GRID2: variants seen among roughly 807,000 people sequenced by gnomAD.
GRID2 encodes the protein glutamate ionotropic receptor delta type subunit 2.
Under a neutral mutation model 114.8 loss-of-function variants are expected in GRID2, and 33 were observed. That is an observed-to-expected ratio of 0.29 (90% CI 0.22 to 0.38). The LOEUF (loss-of-function observed/expected upper bound fraction) is 0.38. Among genes scored for constraint, GRID2 ranks in the 10% least tolerant of loss-of-function variants. GRID2 has a pLI of 1.00. For missense variants in GRID2, 1,184 were observed against 1,257.7 expected, an observed-to-expected ratio of 0.94 and a Z score of 0.89; for synonymous variants, 505 against 449.9, an observed-to-expected ratio of 1.12 and a Z score of -1.55.
chr4:93,802,950 C>T (rs1220976156), intron 1 of GRID2, among the ~76,000 whole-genome samples: 1 of 152,146 alleles, frequency 6.6e-6, no homozygotes, highest in African/African-American at 2.4e-5. Context: ...ATCGTAAGCG[C>T]ATTTAGGTGA....
intron 1 of GRID2, among the ~76,000 whole-genome samples, chr4:92,331,220 T>C (rs974918178): frequency 1.3e-5 from 2 of 152,172 alleles, no homozygotes; most frequent in Admixed American, 6.6e-5. Context: ...TAATTTCTAT[T>C]AAAGTTAGCA....
intron 4 of GRID2, among the ~76,000 whole-genome samples, chr4:93,167,166 G>T (rs2149416450): frequency 6.6e-6 from 1 of 152,264 alleles, no homozygotes; most frequent in African/African-American, 2.4e-5. Flanking sequence ...GACACAGCAA[G>T]CAATTGTTGT....
chr4:92,987,528 G>A (rs978620835), intron 2 of GRID2, among the ~76,000 whole-genome samples: 14 of 151,612 alleles, frequency 9.2e-5, no homozygotes, highest in South Asian at 2.1e-4. Context: ...CACCAACATG[G>A]CACATGTATA....
intron 8 of GRID2, among the ~76,000 whole-genome samples, chr4:93,365,400 C>T (rs1199210327): frequency 6.6e-6 from 1 of 152,126 alleles, no homozygotes; most frequent in African/African-American, 2.4e-5. Flanking sequence ...ATCAAATTTA[C>T]CATGCATAGT....
rs1553916864 is a variant in GRID2 at position 92,688,037 on chromosome 4, C to CCTTTTTTTTTTTTTTTTTTTTTT, written c.244+97751_244+97752insCTTTTTTTTTTTTTTTTTTTTTT. 6.9e-3 allele frequency among the ~76,000 whole-genome samples: 307 copies of CCTTTTTTTTTTTTTTTTTTTTTT among 44,670 alleles called. 33 individuals are homozygous for CCTTTTTTTTTTTTTTTTTTTTTT. Among genetic ancestry groups the CCTTTTTTTTTTTTTTTTTTTTTT allele is most frequent in the East Asian group, 7.9e-3 (15 of 1,888 alleles). 29.3% of individuals were successfully genotyped at this position (44,670 alleles called of 152,430 possible). The stretch of plus-strand genomic sequence containing the variant: ...GCCACATTGGTTGACCCTTCTTCTT[C>CCTTTTTTTTTTTTTTTTTTTTTT]TTTTTTTTTTTTTTTTTTTTTTTTT... On this transcript the variant is annotated intron_variant, in intron 2 of 15. Transcript: ENST00000282020.
intron 10 of GRID2, among the ~76,000 whole-genome samples, chr4:93,432,633 T>C (rs1189519893): frequency 6.6e-6 from 1 of 152,056 alleles, no homozygotes; most frequent in Non-Finnish European, 1.5e-5. Context: ...GCATAGGGGA[T>C]TTTCAGGGCA....
At chr4:93,079,489 T>A (rs939671597) in intron 2 of GRID2, among the ~76,000 whole-genome samples, 9 of 151,964 alleles carry the variant, frequency 5.9e-5, no homozygotes, top group Non-Finnish European at 1.0e-4. Flanking sequence ...CATATGGGCC[T>A]TTCTGTTTAA....
chr4:93,758,249 G>A (rs570250967), intron 14 of GRID2, among the ~76,000 whole-genome samples: 57 of 152,296 alleles, frequency 3.7e-4, no homozygotes, highest in African/African-American at 1.3e-3. Context: ...CTATGAAAAT[G>A]TGGGTAAAAC....
intron 1 of GRID2, among the ~76,000 whole-genome samples, chr4:93,788,425 A>C (rs1461023072): frequency 6.6e-6 from 1 of 152,200 alleles, no homozygotes; most frequent in Non-Finnish European, 1.5e-5. Flanking sequence ...ACATACATAC[A>C]AAAAAGATAA....
rs1253460710 is a variant in GRID2, at chr4:92,939,820, G to T, written c.245-145175G>T. ...TTTCCCAGCACCATTAATTAAATAG[G>T]GAATCCTTTCCTCATTTCTTGTTTT... On this transcript the variant is annotated intron_variant, in intron 2 of 15. Transcript: ENST00000282020. 1.4e-5 allele frequency among the ~76,000 whole-genome samples: 2 copies of T among 147,102 alleles called. 1 individual carries two copies. The highest frequency in any genetic ancestry group is 4.9e-5 in the African/African-American group (2 of 41,110).
At chr4:92,903,728 T>G (rs2149483149) in intron 2 of GRID2, among the ~76,000 whole-genome samples, 1 of 152,052 alleles carries the variant, frequency 6.6e-6, no homozygotes, top group East Asian at 1.9e-4. Flanking sequence ...GGCGAGTTGA[T>G]AAGTCTACTA....
Position 92,924,814 on chromosome 4 carries a change from G to A in GRID2, c.245-160181G>A, listed in dbSNP as rs746124418. On this transcript the variant is annotated intron_variant, in intron 2 of 15. Coordinates refer to ENST00000282020, the MANE Select transcript of GRID2 (RefSeq NM_001510.4). The stretch of plus-strand genomic sequence containing the variant: ...AAAATACTTCAAATGATTAATTATT[G>A]CACATTTTTGCCTGATTTATCACAG... 5.9e-5 allele frequency among the ~76,000 whole-genome samples: 9 copies of A among 151,926 alleles called. No homozygotes were observed. In the South Asian group the frequency reaches 8.3e-4, roughly 14 times the overall value.
intron 1 of GRID2, among the ~76,000 whole-genome samples, chr4:92,440,399 C>A (rs1732982606): frequency 6.6e-6 from 1 of 150,698 alleles, no homozygotes. Flanking sequence ...GTAGGAAAGG[C>A]CTCTACCTAT....
chr4:93,324,426 G>C (rs1757600709), intron 8 of GRID2, among the ~76,000 whole-genome samples: 2 of 152,116 alleles, frequency 1.3e-5, no homozygotes, highest in Admixed American at 1.3e-4. Flanking sequence ...TATGCTGCTG[G>C]ATTCAGTTTG....
chr4:93,423,596 A>T (rs1768551642), intron 10 of GRID2, among the ~76,000 whole-genome samples: 3 of 151,656 alleles, frequency 2.0e-5, no homozygotes, highest in African/African-American at 7.3e-5. Context: ...ATGTGATGTT[A>T]TTGGAAAAAA....
In GRID2 at chr4:93,342,314, T is replaced by A. The variant is rs78166244; in HGVS notation, c.1246-53293T>A. ...TTTTTCTTCCCTCATATATGCCAAC[T>A]TTTCCTGTCCCTGCTGTCTTTCTGC... On this transcript the variant is annotated intron_variant, in intron 8 of 15. Transcript: ENST00000282020. Among the ~76,000 whole-genome samples the A allele has an allele frequency of 3.0e-3, 451 of 152,274 alleles. 2 individuals carry two copies. The highest frequency in any genetic ancestry group is 0.01 in the African/African-American group (418 of 41,558).
intron 1 of GRID2, among the ~76,000 whole-genome samples, chr4:92,498,499 A>G (rs1723506602): frequency 1.3e-5 from 2 of 151,984 alleles, no homozygotes; most frequent in Admixed American, 6.6e-5. Context: ...GAATACACGA[A>G]AAGGATAAGG....
At chr4:92,490,360 T>C (rs1723093268) in intron 1 of GRID2, among the ~76,000 whole-genome samples, 1 of 152,156 alleles carries the variant, frequency 6.6e-6, no homozygotes, top group African/African-American at 2.4e-5. Context: ...GGAATGCCAG[T>C]TTTCTTATGT....
intron 1 of GRID2, among the ~76,000 whole-genome samples, chr4:92,521,126 G>T (rs1724754313): frequency 6.6e-6 from 1 of 151,682 alleles, no homozygotes; most frequent in South Asian, 2.1e-4. Flanking sequence ...TTTAAAATAA[G>T]AAATTCCAGT....
Sources: allele counts gnomAD v4.1 joint callset (sites outside exome capture counted in the v4.1 genomes callset), GRCh38; gene constraint gnomAD v4.1.1; transcripts MANE v1.5; gene names NCBI Gene and HGNC (gene_info 2026-07-23, HGNC 2026-07-21).